The following MLLT10 variants were observed in gnomAD, a reference collection of about 807,000 sequenced individuals.
MLLT10 encodes MLLT10 histone lysine methyltransferase DOT1L cofactor.
Under a neutral mutation model 129.1 loss-of-function variants are expected in MLLT10, and 30 were observed. That is an observed-to-expected ratio of 0.23 (90% CI 0.17 to 0.32). MLLT10 has a LOEUF of 0.32. Ranked by LOEUF, MLLT10 falls within the 10% of genes least tolerant of loss-of-function variation. MLLT10 has a pLI of 1.00. For synonymous variants in MLLT10, 490 were observed against 446.4 expected, an observed-to-expected ratio of 1.10 and a Z score of -1.23; for missense variants, 1,119 against 1,268.3, an observed-to-expected ratio of 0.88 and a Z score of 1.79.
chr10:21,621,732 C>T (rs2045884047), intron 8 of MLLT10, among the ~76,000 whole-genome samples: 1 of 151,586 alleles, frequency 6.6e-6, no homozygotes, highest in East Asian at 1.9e-4. Context: ...AAAGGAGAGA[C>T]GAGGGGCCCG....
chr10:21,556,331 G>A (rs1419575983), intron 3 of MLLT10, among the ~76,000 whole-genome samples: 1 of 152,146 alleles, frequency 6.6e-6, no homozygotes, highest in Non-Finnish European at 1.5e-5. Context: ...TTGAGTGATA[G>A]ACTTCATCAT....
chr10:21,624,190 CAT>C (rs555069141), intron 8 of MLLT10, among the ~76,000 whole-genome samples: 207 of 152,256 alleles, frequency 1.4e-3, no homozygotes, highest in Non-Finnish European at 1.1e-3. Flanking sequence ...ACTACTAAGA[CAT>C]AGCACTAGCT....
intron 8 of MLLT10, among the ~76,000 whole-genome samples, chr10:21,647,727 T>G (rs1204167641): frequency 6.6e-6 from 1 of 152,058 alleles, no homozygotes; most frequent in Non-Finnish European, 1.5e-5. Flanking sequence ...CCCAGTCATG[T>G]CCAATGGCAT....
intron 4 of MLLT10, among the ~76,000 whole-genome samples, chr10:21,588,341 A>G (rs1387164680): frequency 6.6e-6 from 1 of 152,192 alleles, no homozygotes; most frequent in Non-Finnish European, 1.5e-5. Flanking sequence ...TGCTGAGATT[A>G]CAGGTGTGAG....
chr10:21,726,812 A>G (rs1055937177), intron 15 of MLLT10, among the ~76,000 whole-genome samples: 16 of 150,592 alleles, frequency 1.1e-4, no homozygotes. Context: ...GTTCTATGCA[A>G]TGAAAGTAAC....
At chr10:21,651,037 G>GTTT (rs2048970765) in intron 8 of MLLT10, among the ~76,000 whole-genome samples, 2 of 118,432 alleles carry the variant, frequency 1.7e-5, no homozygotes, top group Non-Finnish European at 3.6e-5. Context: ...TTTGGTGGTT[G>GTTT]TGTTGTTTTG....
intron 8 of MLLT10, chr10:21,625,269 C>G: frequency 9.6e-7 from 1 of 1,043,896 alleles, no homozygotes; most frequent in Non-Finnish European, 1.5e-6. Context: ...TCTTCCCCTT[C>G]TGTTTCTTTG....
chr10:21,584,473 A>AT (rs1054394497), intron 3 of MLLT10, among the ~76,000 whole-genome samples: 3 of 150,690 alleles, frequency 2.0e-5, no homozygotes, highest in Non-Finnish European at 3.0e-5. Context: ...AATAGGCTCT[A>AT]TTTTTTTTTA....
chr10:21,689,616 TATAC>T (rs1386467972), intron 13 of MLLT10, among the ~76,000 whole-genome samples: 99 of 140,728 alleles, frequency 7.0e-4, no homozygotes, highest in East Asian at 1.0e-3. Flanking sequence ...TATATATATA[TATAC>T]ACACACACAC....
At chr10:21,728,147 C>T (rs529037639) in intron 16 of MLLT10, among the ~76,000 whole-genome samples, 23 of 152,262 alleles carry the variant, frequency 1.5e-4, no homozygotes, top group African/African-American at 5.3e-4. Context: ...CTTTGGTTTC[C>T]AATCAGTTCG....
intron 11 of MLLT10, among the ~76,000 whole-genome samples, chr10:21,679,953 G>A (rs948673302): frequency 1.3e-5 from 2 of 152,110 alleles, no homozygotes; most frequent in South Asian, 2.1e-4. Context: ...AACAGTGTTA[G>A]CCATAAGGGA....
chr10:21,611,092 G>A (rs776269816), intron 5 of MLLT10, among the ~76,000 whole-genome samples: 7 of 146,838 alleles, frequency 4.8e-5, no homozygotes, highest in Non-Finnish European at 7.4e-5. Flanking sequence ...CACCTCCCTG[G>A]TTCAAGCGAC....
At chr10:21,538,535 G>C (rs2034506938) in intron 2 of MLLT10, among the ~76,000 whole-genome samples, 1 of 151,634 alleles carries the variant, frequency 6.6e-6, no homozygotes, top group African/African-American at 2.4e-5. Context: ...TGGAACTCCT[G>C]GGCTCCAGCA....
At chr10:21,539,334 A>G (rs1308799644) in intron 3 of MLLT10, among the ~76,000 whole-genome samples, 2 of 151,836 alleles carry the variant, frequency 1.3e-5, no homozygotes, top group East Asian at 1.9e-4. Flanking sequence ...CTTTTACTAC[A>G]TCTTTGGGTG....
At chr10:21,579,632 G>T (rs1159386959) in intron 3 of MLLT10, among the ~76,000 whole-genome samples, 25 of 150,100 alleles carry the variant, frequency 1.7e-4, no homozygotes, top group Admixed American at 4.7e-4. Context: ...GTGCGATCTC[G>T]GCTCAACACA....
At chr10:21,586,433 T>C in intron 4 of MLLT10, 85 bp downstream of exon 4, 1 of 1,067,926 alleles carries the variant, frequency 9.4e-7, no homozygotes, top group Non-Finnish European at 1.4e-6. Context: ...TTATTTTATT[T>C]TATCAAATTA....
chr10:21,728,311 T>C (rs1375364741), intron 16 of MLLT10, among the ~76,000 whole-genome samples: 1 of 152,224 alleles, frequency 6.6e-6, no homozygotes, highest in Non-Finnish European at 1.5e-5. Flanking sequence ...CCTTAGTCTC[T>C]AGTTCCTAAT....
In MLLT10 at chr10:21,733,605, T is replaced by C; in HGVS notation, c.2496+13T>C. ...TGTATTAAATCAGGTAATTTTTGTA[T>C]GGTTATTTTCATCTATGTTGATTTA... On this transcript the variant is annotated intron_variant, in intron 19 of 22. Transcript: ENST00000307729. The C allele has an allele frequency of 6.6e-7, 1 of 1,520,958 alleles. No homozygotes were observed. The highest frequency in any genetic ancestry group is 8.8e-7 in the Non-Finnish European group (1 of 1,132,536). 94.2% of individuals were successfully genotyped at this position (1,520,958 alleles called of 1,614,324 possible). A position where few individuals can be genotyped will look rare whatever the true frequency, so the allele number is the denominator to read the frequency against.
At chr10:21,669,941 G>T (rs551802916) in intron 9 of MLLT10, among the ~76,000 whole-genome samples, 154 of 151,658 alleles carry the variant, frequency 1.0e-3, no homozygotes, top group Non-Finnish European at 1.5e-3. Flanking sequence ...TTGCAAAGGG[G>T]CCCTCACCTG....
Sources: allele counts gnomAD v4.1 joint callset (sites outside exome capture counted in the v4.1 genomes callset), GRCh38; gene constraint gnomAD v4.1.1; transcripts MANE v1.5; gene names NCBI Gene and HGNC (gene_info 2026-07-23, HGNC 2026-07-21).